NRG3: variants seen among roughly 807,000 people sequenced by gnomAD.
The protein encoded by NRG3 is pro-neuregulin-3, membrane-bound isoform.
NRG3 carries 31 observed loss-of-function variants against 66.9 expected under a neutral mutation model. The ratio of observed to expected loss-of-function variants is 0.46; its 90% confidence interval spans 0.35 to 0.63. The LOEUF is 0.63. NRG3 is among the 20% of genes least tolerant of loss of function. The pLI is 0.00. For missense variants in NRG3, 910 were observed against 878.9 expected (o/e 1.04, Z -0.45); for synonymous variants, 393 against 359.4 (o/e 1.09, Z -1.06).
At chr10:82,218,329 C>T (rs538649298) in intron 1 of NRG3, among the ~76,000 whole-genome samples, 6 of 152,218 alleles carry the variant, frequency 3.9e-5, no homozygotes, top group East Asian at 1.9e-4. Context: ...TAAAATTCAC[C>T]GCAAAGATTC....
intron 1 of NRG3, among the ~76,000 whole-genome samples, chr10:81,895,607 C>T (rs1843441948): frequency 6.6e-6 from 1 of 152,188 alleles, no homozygotes; most frequent in Admixed American, 6.5e-5. Context: ...TAGTTATACT[C>T]TTAATGATGA....
At chr10:81,992,764 G>A (rs1345153843) in intron 1 of NRG3, among the ~76,000 whole-genome samples, 2 of 152,062 alleles carry the variant, frequency 1.3e-5, no homozygotes, top group African/African-American at 4.8e-5. Context: ...TGTCACAGCT[G>A]CACTGTGATC....
chr10:82,736,431 T>C (rs1168445737), intron 2 of NRG3, among the ~76,000 whole-genome samples: 1 of 152,254 alleles, frequency 6.6e-6, no homozygotes. Flanking sequence ...AAACTGGGTG[T>C]CAATTAGCAG....
intron 1 of NRG3, among the ~76,000 whole-genome samples, chr10:81,969,772 AGTGT>A (rs151308270): frequency 0.069 from 9,941 of 144,942 alleles, 395 homozygotes; most frequent in African/African-American, 0.11. Flanking sequence ...GGACATTTTG[AGTGT>A]GTGTGTGTGT....
At chr10:81,968,948 C>T (rs2059829820) in intron 1 of NRG3, among the ~76,000 whole-genome samples, 1 of 152,124 alleles carries the variant, frequency 6.6e-6, no homozygotes, top group African/African-American at 2.4e-5. Flanking sequence ...GTCTAGAGTG[C>T]AGAGGGGCCA....
At chr10:82,136,915 G>A (rs1012054694) in intron 1 of NRG3, among the ~76,000 whole-genome samples, 6 of 152,154 alleles carry the variant, frequency 3.9e-5, no homozygotes, top group African/African-American at 7.2e-5. Flanking sequence ...TTCATACCAC[G>A]TGGCTGCTGC....
At chr10:82,139,004 A>G (rs183998740) in intron 1 of NRG3, among the ~76,000 whole-genome samples, 2 of 152,250 alleles carry the variant, frequency 1.3e-5, no homozygotes, top group East Asian at 3.9e-4. Context: ...CATATCCAGG[A>G]ACAATACTTT....
intron 4 of NRG3, among the ~76,000 whole-genome samples, chr10:82,948,640 A>T (rs1027757137): frequency 6.6e-6 from 1 of 152,050 alleles, no homozygotes; most frequent in Non-Finnish European, 1.5e-5. Flanking sequence ...CCTTTTGTTA[A>T]ATTGATCTCT....
At chr10:82,676,746 G>T (rs898384263) in intron 2 of NRG3, among the ~76,000 whole-genome samples, 1 of 152,138 alleles carries the variant, frequency 6.6e-6, no homozygotes, top group African/African-American at 2.4e-5. Flanking sequence ...GCCTCCCAAA[G>T]TGCTGGATTA....
At chr10:82,149,327 A>G (rs1006150953) in intron 1 of NRG3, among the ~76,000 whole-genome samples, 4 of 152,206 alleles carry the variant, frequency 2.6e-5, no homozygotes, top group Admixed American at 6.5e-5. Flanking sequence ...GTAACTGATT[A>G]TATTGACAAA....
At chr10:82,017,337 A>G (rs947709072) in intron 1 of NRG3, among the ~76,000 whole-genome samples, 2 of 152,116 alleles carry the variant, frequency 1.3e-5, no homozygotes, top group Non-Finnish European at 2.9e-5. Flanking sequence ...CCAGTCTATC[A>G]TTGTTGGACA....
intron 1 of NRG3, among the ~76,000 whole-genome samples, chr10:82,145,831 G>T (rs540865277): frequency 7.4e-5 from 11 of 149,644 alleles, no homozygotes; most frequent in African/African-American, 1.7e-4. Context: ...TCCAGAGGCA[G>T]TTTTTTTTTT....
intron 1 of NRG3, among the ~76,000 whole-genome samples, chr10:82,195,505 C>T (rs116109300): frequency 3.3e-5 from 5 of 152,042 alleles, no homozygotes; most frequent in South Asian, 2.1e-4. Context: ...AAAGTTCAAT[C>T]GAACAAGCTC....
intron 1 of NRG3, among the ~76,000 whole-genome samples, chr10:81,906,777 G>A (rs912914350): frequency 7.2e-5 from 11 of 152,246 alleles, no homozygotes; most frequent in African/African-American, 1.9e-4. Flanking sequence ...CAAGGAGAAC[G>A]TTTGCAAAGT....
At chr10:82,617,009 G>A (rs1394855670) in intron 2 of NRG3, among the ~76,000 whole-genome samples, 1 of 152,142 alleles carries the variant, frequency 6.6e-6, no homozygotes, top group Non-Finnish European at 1.5e-5. Flanking sequence ...ACATATTTCT[G>A]GGCATACGTA....
intron 2 of NRG3, among the ~76,000 whole-genome samples, chr10:82,697,502 A>T (rs1290538493): frequency 6.6e-6 from 1 of 152,210 alleles, no homozygotes; most frequent in Non-Finnish European, 1.5e-5. Flanking sequence ...AGGATCACAC[A>T]TATTCATTTT....
chr10:82,151,895 C>T (rs533600621), intron 1 of NRG3, among the ~76,000 whole-genome samples: 2 of 152,312 alleles, frequency 1.3e-5, no homozygotes, highest in South Asian at 4.1e-4. Context: ...TTCTATTGAC[C>T]TCACTCTTTC....
chr10:82,100,084 T>C (rs1280274118), intron 1 of NRG3, among the ~76,000 whole-genome samples: 1 of 151,972 alleles, frequency 6.6e-6, no homozygotes, highest in African/African-American at 2.4e-5. Flanking sequence ...CTTTAATTTC[T>C]GTCCTCAATA....
At chr10:82,038,328 C>T (rs1041744391) in intron 1 of NRG3, among the ~76,000 whole-genome samples, 1 of 152,156 alleles carries the variant, frequency 6.6e-6, no homozygotes, top group African/African-American at 2.4e-5. Context: ...TACCAACTGT[C>T]CTGAGCCCTT....
Sources: allele counts gnomAD v4.1 joint callset (sites outside exome capture counted in the v4.1 genomes callset), GRCh38; gene constraint gnomAD v4.1.1; transcripts MANE v1.5; gene names NCBI Gene and HGNC (gene_info 2026-07-23, HGNC 2026-07-21).